Variants in SLC25A21 observed in about 807,000 individuals in gnomAD.
SLC25A21 encodes the protein solute carrier family 25 member 21, also known as mitochondrial 2-oxodicarboxylate carrier.
Under a neutral mutation model 43.8 loss-of-function variants are expected in SLC25A21, and 47 were observed. That is an observed-to-expected ratio of 1.07 (90% CI 0.85 to 1.37). The LOEUF is 1.37. Among genes scored for constraint, SLC25A21 ranks in the 40% most tolerant of loss-of-function variants. The pLI, the probability that SLC25A21 is intolerant of heterozygous loss-of-function variation, is 0.00. For missense variants in SLC25A21, 352 were observed against 350.2 expected, an observed-to-expected ratio of 1.00 and a Z score of -0.04; for synonymous variants, 131 against 121.3, an observed-to-expected ratio of 1.08 and a Z score of -0.52.
At chr14:36,993,579 T>C (rs895053578) in intron 1 of SLC25A21, among the ~76,000 whole-genome samples, 1 of 152,166 alleles carries the variant, frequency 6.6e-6, no homozygotes, top group Non-Finnish European at 1.5e-5. Context: ...TTAGTGACCC[T>C]GTGAGGTCAC....
At chr14:36,799,967 C>G (rs138075273) in intron 3 of SLC25A21, among the ~76,000 whole-genome samples, 1 of 152,110 alleles carries the variant, frequency 6.6e-6, no homozygotes, top group Non-Finnish European at 1.5e-5. Context: ...TACCTACCAG[C>G]GAACACTAGA....
At chr14:36,783,613 G>C (rs903968584) in intron 3 of SLC25A21, among the ~76,000 whole-genome samples, 1 of 152,144 alleles carries the variant, frequency 6.6e-6, no homozygotes, top group Admixed American at 6.6e-5. Flanking sequence ...TAGACCAACA[G>C]GGTCTCTTTT....
intron 3 of SLC25A21, among the ~76,000 whole-genome samples, chr14:36,804,092 C>T (rs1887956638): frequency 6.6e-6 from 1 of 152,132 alleles, no homozygotes; most frequent in African/African-American, 2.4e-5. Context: ...AACAAACAAA[C>T]AAACTAAACC....
At chr14:37,008,630 A>T (rs1960661349) in intron 1 of SLC25A21, among the ~76,000 whole-genome samples, 2 of 152,180 alleles carry the variant, frequency 1.3e-5, no homozygotes, top group Non-Finnish European at 2.9e-5. Flanking sequence ...CCATAATTTT[A>T]ACCACCTGGT....
chr14:36,737,480 C>T lies in SLC25A21; in HGVS notation c.204-2907G>A, dbSNP rs553471704. Among the ~76,000 whole-genome samples, 4 of 152,234 alleles carry T rather than the reference C, an allele frequency of 2.6e-5. No homozygotes were observed. The South Asian group carries it at 8.3e-4, about 32-fold the overall frequency. ...CCTCCCATACCACCATCCTGAGCTT[C>T]CAAATTGAGAATGAGCAATTTTAAC... is the stretch of plus-strand genomic sequence containing the variant. On this transcript the variant is annotated intron_variant, in intron 3 of 9. Coordinates refer to ENST00000331299, the MANE Select transcript of SLC25A21 (RefSeq NM_030631.4).
At chr14:37,112,244 G>A (rs184524801) in intron 1 of SLC25A21, among the ~76,000 whole-genome samples, 28 of 152,030 alleles carry the variant, frequency 1.8e-4, no homozygotes, top group African/African-American at 5.5e-4. Flanking sequence ...TGCCGCCGCC[G>A]CCAAAATACA....
chr14:36,743,894 A>T lies in SLC25A21; in HGVS notation c.204-9321T>A, dbSNP rs1885381043. On this transcript the variant is annotated intron_variant, in intron 3 of 9. Transcript: ENST00000331299. ...CTATATACCAATAATAATCAACCTG[A>T]TAACCAAATCGAGAACTGAATCTCA... Among the ~76,000 whole-genome samples the T allele has an allele frequency of 3.3e-5, 5 of 152,308 alleles. No individual in the cohort carries two copies. The South Asian group carries it at 1.0e-3, about 32-fold the overall frequency.
At chr14:36,873,673 G>T (rs1332042482) in intron 2 of SLC25A21, among the ~76,000 whole-genome samples, 1 of 152,148 alleles carries the variant, frequency 6.6e-6, no homozygotes, top group African/African-American at 2.4e-5. Context: ...TCCAGAATGT[G>T]TATGTTGAAG....
chr14:37,152,123 T>A (rs1230271577), intron 1 of SLC25A21, among the ~76,000 whole-genome samples: 1 of 152,190 alleles, frequency 6.6e-6, no homozygotes, highest in Non-Finnish European at 1.5e-5. Context: ...ACTCAAAAGA[T>A]AAGATTTATC....
chr14:36,748,169 C>T lies in SLC25A21; in HGVS notation c.204-13596G>A, dbSNP rs140955700. On this transcript the variant is annotated intron_variant, in intron 3 of 9. Coordinates refer to ENST00000331299, the MANE Select transcript of SLC25A21 (RefSeq NM_030631.4). Reference sequence around the variant, plus strand: ...GCTCTTGAACACCGTATGACTTCCACGTTCTCAAGGAGTCACTATCAAGTC... The same window carrying T: ...GCTCTTGAACACCGTATGACTTCCATGTTCTCAAGGAGTCACTATCAAGTC... Among the ~76,000 whole-genome samples the T allele has an allele frequency of 2.9e-4, 44 of 152,330 alleles. No homozygotes were observed. In the East Asian group the frequency reaches 7.1e-3, roughly 25 times the overall value.
chr14:36,946,247 G>A (rs1347255910), intron 1 of SLC25A21, among the ~76,000 whole-genome samples: 3 of 152,104 alleles, frequency 2.0e-5, no homozygotes, highest in Non-Finnish European at 4.4e-5. Flanking sequence ...AAAATACAAT[G>A]TTAAAAGCTT....
intron 1 of SLC25A21, among the ~76,000 whole-genome samples, chr14:36,980,570 C>T (rs952258584): frequency 1.3e-5 from 2 of 152,206 alleles, no homozygotes; most frequent in African/African-American, 4.8e-5. Flanking sequence ...TCACATAGTT[C>T]TCATGCCATG....
intron 1 of SLC25A21, among the ~76,000 whole-genome samples, chr14:36,987,086 A>C (rs1471192754): frequency 1.3e-5 from 2 of 152,174 alleles, no homozygotes; most frequent in Non-Finnish European, 2.9e-5. Flanking sequence ...CTTTGTTCCT[A>C]TCAGAAGGTA....
chr14:36,942,313 GCCA>G (rs1203915828), intron 1 of SLC25A21, among the ~76,000 whole-genome samples: 1 of 152,112 alleles, frequency 6.6e-6, no homozygotes, highest in Non-Finnish European at 1.5e-5. Flanking sequence ...ACAAAAATAT[GCCA>G]TACATGCAAG....
chr14:37,143,116 T>C (rs1382402442), intron 1 of SLC25A21, among the ~76,000 whole-genome samples: 1 of 152,226 alleles, frequency 6.6e-6, no homozygotes, highest in Non-Finnish European at 1.5e-5. Flanking sequence ...AAAAACAGTT[T>C]GCCTGTTTTA....
At chr14:37,171,345 T>C (rs1313822863) in intron 1 of SLC25A21, among the ~76,000 whole-genome samples, 10 of 152,176 alleles carry the variant, frequency 6.6e-5, no homozygotes, top group Non-Finnish European at 1.3e-4. Context: ...AGTCCAAATT[T>C]GTTTGAAAAT....
At chr14:37,145,748 ACTT>A (rs1027175922) in intron 1 of SLC25A21, among the ~76,000 whole-genome samples, 2 of 152,132 alleles carry the variant, frequency 1.3e-5, no homozygotes, top group Non-Finnish European at 1.5e-5. Flanking sequence ...GATACTCTAT[ACTT>A]CTTCTAACTA....
chr14:36,857,918 G>T (rs981847856), intron 2 of SLC25A21, among the ~76,000 whole-genome samples: 1 of 152,168 alleles, frequency 6.6e-6, no homozygotes, highest in Non-Finnish European at 1.5e-5. Context: ...ATTGGCTTTC[G>T]GGGGGAATAT....
At chr14:37,168,640 T>C (rs1367715360) in intron 1 of SLC25A21, among the ~76,000 whole-genome samples, 1 of 151,502 alleles carries the variant, frequency 6.6e-6, no homozygotes, top group Non-Finnish European at 1.5e-5. Context: ...GATTTTGGAC[T>C]AGAACCGAAA....
Sources: allele counts gnomAD v4.1 joint callset (sites outside exome capture counted in the v4.1 genomes callset), GRCh38; gene constraint gnomAD v4.1.1; transcripts MANE v1.5; gene names NCBI Gene and HGNC (gene_info 2026-07-23, HGNC 2026-07-21).